CHAT: variants seen among roughly 807,000 people sequenced by gnomAD.
The protein encoded by CHAT is choline O-acetyltransferase, also known as acetyl CoA:choline O-acetyltransferase.
In CHAT, 61 loss-of-function variants were observed where a neutral mutation model predicts 76.9. That is an observed-to-expected ratio of 0.79 (90% CI 0.65 to 0.98). The LOEUF is 0.98. CHAT is among the 50% of genes least tolerant of loss of function. The pLI is 0.00. For missense variants in CHAT, 946 were observed against 986.9 expected, an observed-to-expected ratio of 0.96 and a Z score of 0.56; for synonymous variants, 407 against 397.4, an observed-to-expected ratio of 1.02 and a Z score of -0.29.
intron 3 of CHAT, 138 bp downstream of exon 3, chr10:49,620,054 G>A: frequency 1.2e-6 from 1 of 849,650 alleles, no homozygotes; most frequent in Non-Finnish European, 1.8e-6. Context: ...GGATAGGTGT[G>A]GGAACAGGCA....
At chr10:49,618,791 A>G (rs1838591632) in intron 2 of CHAT, among the ~76,000 whole-genome samples, 1 of 152,206 alleles carries the variant, frequency 6.6e-6, no homozygotes. Context: ...GCCCCCAAAG[A>G]ATATGGGTTT....
At chr10:49,648,703 G>T (rs1039204899) in intron 9 of CHAT, 96 bp downstream of exon 9, 4 of 734,652 alleles carry the variant, frequency 5.4e-6, no homozygotes, top group African/African-American at 2.0e-5. Context: ...AACAAAAGAT[G>T]AATTTGAAAA....
At chr10:49,642,064 T>C (rs1022565709) in intron 7 of CHAT, among the ~76,000 whole-genome samples, 1 of 152,134 alleles carries the variant, frequency 6.6e-6, no homozygotes, top group Non-Finnish European at 1.5e-5. Flanking sequence ...TCCTTGGGCA[T>C]GGGTGTCAGA....
At chr10:49,621,658 G>A (rs1270275828) in intron 4 of CHAT, among the ~76,000 whole-genome samples, 1 of 152,116 alleles carries the variant, frequency 6.6e-6, no homozygotes, top group Non-Finnish European at 1.5e-5. Context: ...TTCCAAGGAA[G>A]AACTCCACCC....
chr10:49,662,062 T>C (rs1036527469), intron 13 of CHAT, among the ~76,000 whole-genome samples: 1 of 152,240 alleles, frequency 6.6e-6, no homozygotes, highest in African/African-American at 2.4e-5. Flanking sequence ...TTTAAATGAA[T>C]TGATCCTGAG....
chr10:49,663,611 G>C (rs1252002159), intron 14 of CHAT, among the ~76,000 whole-genome samples: 1 of 152,210 alleles, frequency 6.6e-6, no homozygotes, highest in East Asian at 1.9e-4. Context: ...CACAAAGACA[G>C]AATGCAATCC....
At chr10:49,644,651 C>G (rs1839600260) in intron 7 of CHAT, among the ~76,000 whole-genome samples, 1 of 152,072 alleles carries the variant, frequency 6.6e-6, no homozygotes, top group Admixed American at 6.5e-5. Flanking sequence ...CAAGGCTAGG[C>G]TGGCTTCCCA....
chr10:49,647,413 T>C (rs962267476), intron 8 of CHAT, among the ~76,000 whole-genome samples: 4 of 152,250 alleles, frequency 2.6e-5, no homozygotes, highest in African/African-American at 9.6e-5. Flanking sequence ...TACACTTTTA[T>C]ATGATATGCC....
At chr10:49,649,408 G>T (rs1173111361) in intron 9 of CHAT, 100 bp from the exon 10 acceptor site, 1 of 1,565,852 alleles carries the variant, frequency 6.4e-7, no homozygotes, top group Non-Finnish European at 8.8e-7. Flanking sequence ...CTCCATGGCC[G>T]CAAACACTGA....
chr10:49,621,975 A>ACGGG, intron 4 of CHAT, 122 bp from the exon 5 acceptor site: 1 of 1,028,094 alleles, frequency 9.7e-7, no homozygotes, highest in African/African-American at 1.6e-5. Context: ...AGGGAGGGAG[A>ACGGG]AGGGAGGGAA....
intron 1 of CHAT, chr10:49,615,865 C>T (rs2132699925): frequency 6.4e-6 from 4 of 625,088 alleles, no homozygotes; most frequent in Non-Finnish European, 1.1e-5. Flanking sequence ...AGCCTGCAGA[C>T]CCGAGACTGC....
At chr10:49,622,296 C>A (rs970720575) in intron 5 of CHAT, 146 bp downstream of exon 5, 4 of 861,988 alleles carry the variant, frequency 4.6e-6, no homozygotes, top group South Asian at 1.3e-5. Context: ...CCCACTCCCC[C>A]ACCATCAGGA....
rs73319476 is a variant in CHAT, at chr10:49,650,012, T to C, written c.1511+376T>C. Reference sequence around the variant, plus strand: ...TTCAAGCTATTTAAATTTGCTTGAATGTACAGTGCAACTTGACAAAGGGGC... The same window carrying C: ...TTCAAGCTATTTAAATTTGCTTGAACGTACAGTGCAACTTGACAAAGGGGC... On this transcript the variant is annotated intron_variant, in intron 10 of 14. Transcript: ENST00000337653. 6.3e-3 allele frequency among the ~76,000 whole-genome samples: 953 copies of C among 152,172 alleles called. 11 individuals are homozygous for C. Among genetic ancestry groups the C allele is most frequent in the African/African-American group, 0.021 (874 of 41,508 alleles).
At chr10:49,635,646 A>G (rs895993213) in intron 7 of CHAT, among the ~76,000 whole-genome samples, 4 of 152,136 alleles carry the variant, frequency 2.6e-5, no homozygotes, top group South Asian at 2.1e-4. Flanking sequence ...AGACAATGCA[A>G]TCCACCACAT....
Position 49,633,685 on chromosome 10 carries a change from C to T in CHAT, c.1111+5900C>T, listed in dbSNP as rs373015993. Among the ~76,000 whole-genome samples the T allele has an allele frequency of 5.4e-3, 821 of 152,290 alleles. 4 individuals carry two copies. The highest frequency in any genetic ancestry group is 0.019 in the African/African-American group (790 of 41,552). ...TGGAAATTTAATTAGACATTCAGCC[C>T]CGAGTCTGGGAGACTACAGCACTTG... On this transcript the variant is annotated intron_variant, in intron 7 of 14. Transcript: ENST00000337653.
intron 7 of CHAT, among the ~76,000 whole-genome samples, chr10:49,633,968 A>G (rs1839212203): frequency 6.6e-6 from 1 of 152,172 alleles, no homozygotes; most frequent in African/African-American, 2.4e-5. Flanking sequence ...GCATTTTGCT[A>G]TTTACGTATC....
intron 11 of CHAT, among the ~76,000 whole-genome samples, chr10:49,652,741 C>T (rs1265593471): frequency 6.6e-6 from 1 of 152,142 alleles, no homozygotes; most frequent in Admixed American, 6.5e-5. Context: ...CTTAGAAGTG[C>T]CCCCTGTGGA....
At chr10:49,631,053 T>C (rs1590582617) in intron 7 of CHAT, among the ~76,000 whole-genome samples, 2 of 152,230 alleles carry the variant, frequency 1.3e-5, no homozygotes, top group African/African-American at 2.4e-5. Context: ...TTATGTGATC[T>C]TCCCCACCAA....
At chr10:49,626,013 A>G (rs1838909749) in intron 6 of CHAT, among the ~76,000 whole-genome samples, 2 of 152,222 alleles carry the variant, frequency 1.3e-5, no homozygotes, top group Non-Finnish European at 2.9e-5. Context: ...CAGACTGACA[A>G]ATAGGACCTT....
Sources: allele counts gnomAD v4.1 joint callset (sites outside exome capture counted in the v4.1 genomes callset), GRCh38; gene constraint gnomAD v4.1.1; transcripts MANE v1.5; gene names NCBI Gene and HGNC (gene_info 2026-07-23, HGNC 2026-07-21).